MEGF10: variants seen among roughly 807,000 people sequenced by gnomAD.
MEGF10 encodes the protein multiple epidermal growth factor-like domains protein 10.
Under a neutral mutation model 147.5 loss-of-function variants are expected in MEGF10, and 86 were observed. The observed-to-expected ratio is 0.58, with a 90% CI of 0.49 to 0.70. MEGF10 has a LOEUF of 0.70. Among genes scored for constraint, MEGF10 ranks in the 30% least tolerant of loss-of-function variants. The pLI, the probability that MEGF10 is intolerant of heterozygous loss-of-function variation, is 0.00. For synonymous variants in MEGF10, 478 were observed against 525.5 expected, an observed-to-expected ratio of 0.91 and a Z score of 1.24; for missense variants, 1,329 against 1,487.3, an observed-to-expected ratio of 0.89 and a Z score of 1.75.
rs1278813420 is a variant in MEGF10, at chr5:127,316,687, G to A, written c.-18-14604G>A. ...GCATATTCTGAGCTTTATTTTTCCT[G>A]TGGGCCATACATTCATTCAAGAATA... On this transcript the variant is annotated intron_variant, in intron 1 of 24. Transcript: ENST00000503335. Among the ~76,000 whole-genome samples the A allele has an allele frequency of 2.6e-5, 4 of 152,090 alleles. No homozygotes were observed. The South Asian group carries it at 6.2e-4, about 24-fold the overall frequency.
intron 5 of MEGF10, among the ~76,000 whole-genome samples, chr5:127,391,067 T>C (rs1763640635): frequency 6.7e-6 from 1 of 149,326 alleles, no homozygotes; most frequent in Non-Finnish European, 1.5e-5. Flanking sequence ...TTTATGTGTA[T>C]ATATACATAC....
chr5:127,407,328 C>T (rs1354906826), intron 8 of MEGF10, among the ~76,000 whole-genome samples: 1 of 152,178 alleles, frequency 6.6e-6, no homozygotes, highest in Non-Finnish European at 1.5e-5. Context: ...GAAGGACATG[C>T]ACAGAAGGTC....
the MEGF10 span, among the ~76,000 whole-genome samples, chr5:127,248,114 C>T: frequency 6.6e-6 from 1 of 151,982 alleles, no homozygotes; most frequent in African/African-American, 2.4e-5. Flanking sequence ...TAGTTGAAAC[C>T]ACTCTATAGA....
intron 1 of MEGF10, among the ~76,000 whole-genome samples, chr5:127,327,648 A>C (rs189495528): frequency 1.3e-5 from 2 of 152,222 alleles, no homozygotes; most frequent in East Asian, 3.9e-4. Context: ...TATAGAAGAA[A>C]ACAAAGAAGA....
intron 18 of MEGF10, among the ~76,000 whole-genome samples, chr5:127,442,101 G>T (rs1765778045): frequency 6.6e-6 from 1 of 152,094 alleles, no homozygotes; most frequent in Admixed American, 6.6e-5. Context: ...ACCAGAATAG[G>T]CTCAAAATTT....
the MEGF10 span, among the ~76,000 whole-genome samples, chr5:127,244,790 AGAT>A: frequency 6.6e-6 from 1 of 152,224 alleles, no homozygotes; most frequent in Non-Finnish European, 1.5e-5. Flanking sequence ...AGCCTGGTTC[AGAT>A]TTGCAAGAAT....
At chr5:127,263,928 T>C in the MEGF10 span, among the ~76,000 whole-genome samples, 1 of 152,190 alleles carries the variant, frequency 6.6e-6, no homozygotes, top group Non-Finnish European at 1.5e-5. Context: ...CATTACATTA[T>C]GACAGTAATT....
chr5:127,385,417 T>C (rs1184185963), intron 5 of MEGF10, among the ~76,000 whole-genome samples: 2 of 152,078 alleles, frequency 1.3e-5, no homozygotes, highest in Admixed American at 1.3e-4. Context: ...GGATTACAGG[T>C]ACGCACCACC....
At chr5:127,367,113 A>G (rs1157718882) in intron 4 of MEGF10, among the ~76,000 whole-genome samples, 1 of 152,232 alleles carries the variant, frequency 6.6e-6, no homozygotes, top group Non-Finnish European at 1.5e-5. Flanking sequence ...AAGAGTCAAC[A>G]CAACTACAAT....
chr5:127,268,577 A>G, the MEGF10 span, among the ~76,000 whole-genome samples: 1 of 152,166 alleles, frequency 6.6e-6, no homozygotes, highest in African/African-American at 2.4e-5. Flanking sequence ...GAGTAGGTAA[A>G]CAAAGGGGCC....
At position 127,398,453 on chromosome 5, in the gene MEGF10, C is replaced by G. The variant is rs568697180; in HGVS notation, c.660-223C>G. Among the ~76,000 whole-genome samples, 8 of 152,188 alleles carry G rather than the reference C, an allele frequency of 5.3e-5. No individual in the cohort carries two copies. The South Asian group carries it at 1.7e-3, about 32-fold the overall frequency. On this transcript the variant is annotated intron_variant, in intron 6 of 24. Transcript: ENST00000503335. ...CAGATAGGATAGCTTCTCTTCAAACCGAAATGGCTTTATTAGAAAGTACCC... is the reference window on the plus strand; with the variant it reads ...CAGATAGGATAGCTTCTCTTCAAACGGAAATGGCTTTATTAGAAAGTACCC...
chr5:127,408,530 C>G (rs1045935137), intron 8 of MEGF10, among the ~76,000 whole-genome samples: 1 of 152,126 alleles, frequency 6.6e-6, no homozygotes, highest in African/African-American at 2.4e-5. Flanking sequence ...AAATAAAGAG[C>G]ACCTTTTAAA....
intron 21 of MEGF10, 134 bp downstream of exon 21, chr5:127,447,818 C>T (rs1309602551): frequency 8.6e-7 from 1 of 1,159,758 alleles, no homozygotes; most frequent in East Asian, 2.7e-5. Flanking sequence ...TTCCTCTAAA[C>T]AGTCCTCTGA....
chr5:127,370,261 T>A (rs1762803159), intron 5 of MEGF10, among the ~76,000 whole-genome samples: 1 of 152,238 alleles, frequency 6.6e-6, no homozygotes, highest in Non-Finnish European at 1.5e-5. Flanking sequence ...TCTGTGGATA[T>A]GAATGCATTT....
chr5:127,237,796 C>T, the MEGF10 span, among the ~76,000 whole-genome samples: 5 of 152,190 alleles, frequency 3.3e-5, no homozygotes, highest in African/African-American at 9.6e-5. Context: ...CTCCCTCCAC[C>T]TCTTTGCCCT....
chr5:127,430,233 T>G (rs963602963), intron 13 of MEGF10, among the ~76,000 whole-genome samples: 19 of 152,144 alleles, frequency 1.2e-4, no homozygotes, highest in Non-Finnish European at 7.3e-5. Context: ...CCAGATCCCT[T>G]GAATGTTTGC....
chr5:127,455,565 A>G lies in MEGF10; in HGVS notation c.3190A>G (p.Ile1064Val). ...ACGAAGAGATTCCCCATATGCAGAG[A>G]TCAATAACTCAACTTCAGCCAACAG... Reference protein sequence around the residue: ...PARRDSPYAEINNSTSANRNV... With the variant: ...PARRDSPYAEVNNSTSANRNV... Residue 1064 changes from isoleucine to valine, a missense_variant, in exon 24 of 25, where the codon ATC becomes GTC. By Grantham distance (29) the Ile-to-Val change is conservative (BLOSUM62 3). This residue lies in a region of MEGF10 where 343 missense variants were observed against 377.9 expected (regional missense o/e 0.91). Transcript: ENST00000503335. 6.2e-7 allele frequency: 1 copy of G among 1,614,150 alleles called. No individual in the cohort carries two copies. The highest frequency in any genetic ancestry group is 1.1e-5 in the South Asian group (1 of 91,086).
At chr5:127,327,286 T>C (rs1251257610) in intron 1 of MEGF10, among the ~76,000 whole-genome samples, 2 of 152,308 alleles carry the variant, frequency 1.3e-5, no homozygotes, top group East Asian at 3.9e-4. Flanking sequence ...TGCAAATGAC[T>C]CTTTATTTTT....
the MEGF10 span, among the ~76,000 whole-genome samples, chr5:127,285,356 A>G: frequency 6.6e-6 from 1 of 152,190 alleles, no homozygotes; most frequent in African/African-American, 2.4e-5. Context: ...TAATATTACT[A>G]TGAAATTCTC....
Sources: allele counts gnomAD v4.1 joint callset (sites outside exome capture counted in the v4.1 genomes callset), GRCh38; gene constraint gnomAD v4.1.1; regional missense constraint gnomAD v4.1.1; transcripts MANE v1.5; gene names NCBI Gene and HGNC (gene_info 2026-07-23, HGNC 2026-07-21).